CSMD1: variants seen among roughly 807,000 people sequenced by gnomAD.
CSMD1 encodes the protein CUB and sushi domain-containing protein 1.
Under a neutral mutation model 417.5 loss-of-function variants are expected in CSMD1, and 213 were observed. The observed-to-expected ratio is 0.51, with a 90% CI of 0.46 to 0.57. CSMD1 has a LOEUF of 0.57. CSMD1 is among the 20% of genes least tolerant of loss of function. CSMD1 has a pLI of 0.00. For missense variants in CSMD1, 6,923 were observed against 4,529.7 expected (o/e 1.53, Z -15.17); for synonymous variants, 2,862 against 1,736.8 (o/e 1.65, Z -16.11).
At chr8:4,722,939 C>G (rs960700276) in intron 1 of CSMD1, among the ~76,000 whole-genome samples, 13 of 152,134 alleles carry the variant, frequency 8.5e-5, no homozygotes, top group Non-Finnish European at 1.9e-4. Context: ...CTTTTCAGAT[C>G]TAAGCTCGGT....
At chr8:3,545,808 C>A (rs758934150) in intron 10 of CSMD1, among the ~76,000 whole-genome samples, 1 of 152,116 alleles carries the variant, frequency 6.6e-6, no homozygotes, top group Non-Finnish European at 1.5e-5. Flanking sequence ...TGTGAAAAGG[C>A]TCAGGAAGCA....
chr8:4,246,895 T>C (rs6982016), intron 3 of CSMD1, among the ~76,000 whole-genome samples: 17,119 of 152,204 alleles, frequency 0.11, 1,314 homozygotes, highest in East Asian at 0.36. Context: ...ACTTTTTCCG[T>C]GCATAAATGT....
chr8:3,775,097 T>G (rs1798828711), intron 5 of CSMD1, among the ~76,000 whole-genome samples: 2 of 152,174 alleles, frequency 1.3e-5, no homozygotes, highest in Admixed American at 6.5e-5. Flanking sequence ...AATTTTCTAT[T>G]TAATGTTTTT....
rs201431939 is a variant in CSMD1 at position 3,389,457 on chromosome 8, AAAG to A, written c.2594-1778_2594-1776del. Among the ~76,000 whole-genome samples the A allele has an allele frequency of 1.9e-3, 290 of 152,262 alleles. 3 individuals are homozygous for A. The highest frequency in any genetic ancestry group is 0.015 in the East Asian group (77 of 5,178). On this transcript the variant is annotated intron_variant, in intron 17 of 69. Coordinates refer to ENST00000635120, the MANE Select transcript of CSMD1 (RefSeq NM_033225.6). ...CAAAATCAAGACAAGAATTCCCTCA[AAAG>A]AAGAAGCTCTGCTGAAGAAATGCAC...
chr8:4,512,974 A>G (rs1474843721), intron 2 of CSMD1, among the ~76,000 whole-genome samples: 1 of 152,240 alleles, frequency 6.6e-6, no homozygotes, highest in Non-Finnish European at 1.5e-5. Flanking sequence ...AACAGTGAAC[A>G]GGTCAGTGAT....
intron 32 of CSMD1, among the ~76,000 whole-genome samples, chr8:3,200,727 T>C (rs1796949138): frequency 6.6e-6 from 1 of 152,132 alleles, no homozygotes; most frequent in Non-Finnish European, 1.5e-5. Context: ...GTGTATCCTC[T>C]GATGCATTCT....
intron 6 of CSMD1, among the ~76,000 whole-genome samples, chr8:3,732,789 G>T (rs1168434977): frequency 6.6e-6 from 1 of 152,094 alleles, no homozygotes; most frequent in African/African-American, 2.4e-5. Context: ...CCATCCCACT[G>T]AGTGATTCCG....
At chr8:3,382,968 G>T (rs1810733049) in intron 18 of CSMD1, among the ~76,000 whole-genome samples, 1 of 152,124 alleles carries the variant, frequency 6.6e-6, no homozygotes, top group Non-Finnish European at 1.5e-5. Flanking sequence ...CACAGGCATG[G>T]CCACTTAAAC....
In CSMD1 at chr8:4,919,351, G is replaced by A. The variant is rs115823896; in HGVS notation, c.85+74981C>T. ...TCTTCCTTACTATGAAACTTTGCTG[G>A]TACTTAAAATTTAGCATAAACAAAT... On this transcript the variant is annotated intron_variant, in intron 1 of 69. Coordinates refer to ENST00000635120, the MANE Select transcript of CSMD1 (RefSeq NM_033225.6). 3.9e-4 allele frequency among the ~76,000 whole-genome samples: 60 copies of A among 152,120 alleles called. No individual in the cohort carries two copies. The South Asian group carries it at 8.5e-3, about 22-fold the overall frequency.
At chr8:4,075,796 G>C (rs1314698965) in intron 3 of CSMD1, among the ~76,000 whole-genome samples, 1 of 152,164 alleles carries the variant, frequency 6.6e-6, no homozygotes, top group South Asian at 2.1e-4. Flanking sequence ...AGGTTGTGAT[G>C]ACAGAGCAGT....
At chr8:3,682,700 C>A (rs1023703348) in intron 7 of CSMD1, among the ~76,000 whole-genome samples, 3 of 152,024 alleles carry the variant, frequency 2.0e-5, no homozygotes, top group African/African-American at 7.3e-5. Flanking sequence ...GGGTATATAC[C>A]CAAAAGATTA....
At chr8:3,310,324 G>A (rs974247295) in intron 23 of CSMD1, among the ~76,000 whole-genome samples, 2 of 146,598 alleles carry the variant, frequency 1.4e-5, no homozygotes, top group Non-Finnish European at 2.9e-5. Context: ...CTTTACTGTT[G>A]TTATTGTTGT....
intron 18 of CSMD1, among the ~76,000 whole-genome samples, chr8:3,376,535 G>T (rs1031906356): frequency 6.6e-6 from 1 of 151,896 alleles, no homozygotes; most frequent in African/African-American, 2.4e-5. Flanking sequence ...CGTGAAAAAT[G>T]TGCAGTTGAA....
In CSMD1 at chr8:3,499,892, G is replaced by A. The variant is rs114773290; in HGVS notation, c.1345-6166C>T. On this transcript the variant is annotated intron_variant, in intron 10 of 69. Coordinates refer to ENST00000635120, the MANE Select transcript of CSMD1 (RefSeq NM_033225.6). ...ATGGCACCATGCTGCAGCAGCCTGA[G>A]GCCCAGAGAACAAGAGAGGAACCCG... Among the ~76,000 whole-genome samples the A allele has an allele frequency of 8.2e-3, 1,253 of 152,160 alleles. 16 individuals carry two copies. The highest frequency in any genetic ancestry group is 0.027 in the African/African-American group (1,110 of 41,520).
chr8:2,991,683 T>A (rs1288444610), intron 54 of CSMD1, among the ~76,000 whole-genome samples: 1 of 152,206 alleles, frequency 6.6e-6, no homozygotes, highest in Non-Finnish European at 1.5e-5. Context: ...CGAGTGAATA[T>A]GAGTCACTGA....
intron 2 of CSMD1, among the ~76,000 whole-genome samples, chr8:4,464,272 C>A (rs1800017404): frequency 6.6e-6 from 1 of 151,982 alleles, no homozygotes; most frequent in Admixed American, 6.6e-5. Flanking sequence ...TTGTATGAAG[C>A]ACAGGGCATT....
chr8:3,975,727 A>G (rs17068336), intron 5 of CSMD1, among the ~76,000 whole-genome samples: 7,723 of 152,324 alleles, frequency 0.051, 324 homozygotes, highest in African/African-American at 0.1. Flanking sequence ...CATTACATGC[A>G]AACTTTAAAA....
chr8:3,395,918 T>C, intron 17 of CSMD1, among the ~76,000 whole-genome samples: 1 of 152,242 alleles, frequency 6.6e-6, no homozygotes, highest in African/African-American at 2.4e-5. Flanking sequence ...ATTACTTCCA[T>C]TATTCTATGC....
chr8:3,289,043 T>G (rs1314331780), intron 25 of CSMD1, among the ~76,000 whole-genome samples: 1 of 147,066 alleles, frequency 6.8e-6, no homozygotes, highest in Non-Finnish European at 1.5e-5. Flanking sequence ...GTTCTCATTG[T>G]TCAATTCCCA....
Sources: allele counts gnomAD v4.1 joint callset (sites outside exome capture counted in the v4.1 genomes callset), GRCh38; gene constraint gnomAD v4.1.1; transcripts MANE v1.5; gene names NCBI Gene and HGNC (gene_info 2026-07-23, HGNC 2026-07-21).